Variants in CTDSPL2 observed in about 807,000 individuals in gnomAD.
CTDSPL2 encodes CTD small phosphatase like 2, also known as CTD small phosphatase-like protein 2.
In CTDSPL2, 5 loss-of-function variants were observed where a neutral mutation model predicts 60.0. The ratio of observed to expected loss-of-function variants is 0.08; its 90% CI spans 0.04 to 0.18. CTDSPL2 has a LOEUF of 0.18. Among genes scored for constraint, CTDSPL2 ranks in the 10% least tolerant of loss-of-function variants. The pLI is 1.00. For missense variants in CTDSPL2, 370 were observed against 548.8 expected (o/e 0.67, Z 3.26); for synonymous variants, 186 against 189.3 (o/e 0.98, Z 0.14).
intron 1 of CTDSPL2, among the ~76,000 whole-genome samples, chr15:44,446,779 G>A (rs1178909331): frequency 2.1e-4 from 30 of 143,618 alleles, no homozygotes; most frequent in African/African-American, 6.6e-4. Flanking sequence ...TTTTTGAGAC[G>A]GAGTCTCAGT....
At chr15:44,478,455 A>C (rs2080964565) in intron 2 of CTDSPL2, among the ~76,000 whole-genome samples, 2 of 52,220 alleles carry the variant, frequency 3.8e-5, no homozygotes, top group South Asian at 1.1e-3. Flanking sequence ...TCTGTCTCAA[A>C]AAAAAAAAAA....
At chr15:44,494,889 C>A (rs1245733213) in intron 5 of CTDSPL2, among the ~76,000 whole-genome samples, 2 of 152,166 alleles carry the variant, frequency 1.3e-5, no homozygotes, top group Non-Finnish European at 2.9e-5. Context: ...GCACTCCAGC[C>A]TGGGCAACAG....
chr15:44,475,700 T>C (rs1385236213), intron 2 of CTDSPL2, among the ~76,000 whole-genome samples: 3 of 152,084 alleles, frequency 2.0e-5, no homozygotes, highest in African/African-American at 7.2e-5. Context: ...AACTAACCAC[T>C]TTTTGCTTTT....
At chr15:44,450,404 T>C (rs2080310193) in intron 1 of CTDSPL2, among the ~76,000 whole-genome samples, 1 of 152,146 alleles carries the variant, frequency 6.6e-6, no homozygotes, top group Non-Finnish European at 1.5e-5. Flanking sequence ...AACTTGTAAG[T>C]TCACTTCTAA....
intron 2 of CTDSPL2, among the ~76,000 whole-genome samples, chr15:44,465,955 A>T (rs1319234340): frequency 7.0e-6 from 1 of 143,090 alleles, no homozygotes; most frequent in Non-Finnish European, 1.5e-5. Flanking sequence ...TTTTTTTTTA[A>T]AGACGGAGTC....
chr15:44,519,001 A>G (rs1251048071), intron 10 of CTDSPL2, 168 bp from the exon 11 acceptor site: 6 of 391,478 alleles, frequency 1.5e-5, no homozygotes, highest in Admixed American at 4.6e-5. Flanking sequence ...TAGAATTTTT[A>G]TAGTAAAATG....
At chr15:44,512,729 C>G (rs943289318) in intron 8 of CTDSPL2, among the ~76,000 whole-genome samples, 13 of 152,132 alleles carry the variant, frequency 8.5e-5, no homozygotes, top group African/African-American at 3.1e-4. Flanking sequence ...TGATTGGATG[C>G]TGAGGATTTG....
At position 44,443,810 on chromosome 15, in the gene CTDSPL2, C is replaced by T. The variant is rs1015581677; in HGVS notation, c.-24-15181C>T. ...ATGCTTTATGTATTCTAGATAAGAA[C>T]TTCTTAAGAGACACATGATTTGCAA... On this transcript the variant is annotated intron_variant, in intron 1 of 12. Coordinates refer to ENST00000260327, the MANE Select transcript of CTDSPL2 (RefSeq NM_016396.3). Among the ~76,000 whole-genome samples the T allele has an allele frequency of 6.6e-5, 10 of 152,206 alleles. No individual in the cohort carries two copies. The South Asian group carries it at 1.9e-3, about 28-fold the overall frequency.
At chr15:44,471,486 A>T (rs1193251650) in intron 2 of CTDSPL2, among the ~76,000 whole-genome samples, 1 of 152,178 alleles carries the variant, frequency 6.6e-6, no homozygotes, top group Non-Finnish European at 1.5e-5. Context: ...GGGGATAAAT[A>T]TATTCCTGTG....
At chr15:44,434,733 GA>G (rs2079938407) in intron 1 of CTDSPL2, among the ~76,000 whole-genome samples, 1 of 151,540 alleles carries the variant, frequency 6.6e-6, no homozygotes, top group Admixed American at 6.6e-5. Context: ...ATTTATTGAA[GA>G]AAACTTTAAG....
chr15:44,450,125 A>T (rs1429633504), intron 1 of CTDSPL2, among the ~76,000 whole-genome samples: 4 of 151,894 alleles, frequency 2.6e-5, no homozygotes, highest in Non-Finnish European at 5.9e-5. Context: ...GTGGTTGGAG[A>T]GGTTGAATTA....
chr15:44,481,000 G>A (rs2081017101), intron 2 of CTDSPL2, among the ~76,000 whole-genome samples: 1 of 152,050 alleles, frequency 6.6e-6, no homozygotes, highest in Admixed American at 6.6e-5. Context: ...ACAGTTGAAT[G>A]TTCACAGAAG....
intron 1 of CTDSPL2, among the ~76,000 whole-genome samples, chr15:44,443,209 C>G (rs1444667445): frequency 1.3e-5 from 2 of 152,202 alleles, no homozygotes; most frequent in African/African-American, 4.8e-5. Context: ...ATTAAACAGT[C>G]TTCAACGTTC....
Position 44,484,284 on chromosome 15 carries a change from A to G in CTDSPL2, c.247A>G (p.Ile83Val), listed in dbSNP as rs778837136. Residue 83 changes from isoleucine to valine, a missense_variant, in exon 3 of 13, where the codon ATC (isoleucine) becomes GTC (valine). Physicochemically the swap from Ile to Val is conservative, Grantham distance 29. Transcript: ENST00000260327. ...RIERDIDNNL[I>V]TSTPRAGEKP... The stretch of plus-strand genomic sequence containing the variant: ...TGAACGTGATATAGATAACAATTTG[A>G]TCACGTCAACACCAAGAGCAGGAGA... 2 of 1,613,368 alleles carry G rather than the reference A, an allele frequency of 1.2e-6. No individual in the cohort carries two copies. Among genetic ancestry groups the G allele is most frequent in the Non-Finnish European group, 1.7e-6 (2 of 1,179,326 alleles).
chr15:44,458,671 C>T (rs748015073), intron 1 of CTDSPL2, among the ~76,000 whole-genome samples: 12 of 152,108 alleles, frequency 7.9e-5, no homozygotes, highest in Non-Finnish European at 1.5e-4. Flanking sequence ...AACGATTAAA[C>T]GAATAGTAGT....
At chr15:44,466,277 C>A (rs550543794) in intron 2 of CTDSPL2, among the ~76,000 whole-genome samples, 9 of 151,756 alleles carry the variant, frequency 5.9e-5, no homozygotes, top group Non-Finnish European at 2.9e-5. Flanking sequence ...CTTGGCCTCC[C>A]GTAATGGGAT....
At chr15:44,515,730 G>T (rs904158594) in intron 10 of CTDSPL2, among the ~76,000 whole-genome samples, 6 of 152,140 alleles carry the variant, frequency 3.9e-5, no homozygotes, top group Admixed American at 3.9e-4. Context: ...AAATTTAGGT[G>T]GGCGTGGTGG....
At chr15:44,456,814 A>G (rs1174918903) in intron 1 of CTDSPL2, among the ~76,000 whole-genome samples, 2 of 115,646 alleles carry the variant, frequency 1.7e-5, no homozygotes, top group East Asian at 5.2e-4. Context: ...TTGCTTCTCT[A>G]GTTATTTTAA....
At chr15:44,476,336 G>C (rs902731267) in intron 2 of CTDSPL2, among the ~76,000 whole-genome samples, 1 of 151,960 alleles carries the variant, frequency 6.6e-6, no homozygotes, top group Non-Finnish European at 1.5e-5. Flanking sequence ...AAAGTGCTGG[G>C]ATTACAGTCG....
Sources: gnomAD v4.1 joint callset for allele counts (sites outside exome capture counted in the v4.1 genomes callset) on GRCh38, gnomAD v4.1.1 for gene constraint, MANE v1.5 for transcripts, NCBI Gene and HGNC (gene_info 2026-07-23, HGNC 2026-07-21) for gene names.